Variants in GAS6 observed in about 807,000 individuals in gnomAD.
GAS6 encodes the protein growth arrest specific 6.
Under a neutral mutation model 75.8 loss-of-function variants are expected in GAS6, and 41 were observed. The ratio of observed to expected loss-of-function variants is 0.54; its 90% confidence interval spans 0.42 to 0.70. GAS6 has a LOEUF of 0.70. Among genes scored for constraint, GAS6 ranks in the 30% least tolerant of loss-of-function variants. The probability of loss-of-function intolerance (pLI) is 0.00; values close to 1 mark genes in which losing one functional copy is unlikely to be tolerated. For synonymous variants in GAS6, 432 were observed against 412.6 expected, an observed-to-expected ratio of 1.05 and a Z score of -0.57; for missense variants, 854 against 940.2, an observed-to-expected ratio of 0.91 and a Z score of 1.20.
intron 2 of GAS6, among the ~76,000 whole-genome samples, chr13:113,853,095 T>C (rs967757740): frequency 6.6e-6 from 1 of 152,180 alleles, no homozygotes; most frequent in African/African-American, 2.4e-5. Context: ...GGAGGGCCCA[T>C]TCACTTTTTA....
intron 4 of GAS6, chr13:113,843,200 A>C (rs1299648033): frequency 4.6e-5 from 10 of 218,656 alleles, no homozygotes; most frequent in Non-Finnish European, 7.9e-5. Context: ...CCTGATCCCC[A>C]TCCCGCAAGC....
intron 10 of GAS6, among the ~76,000 whole-genome samples, chr13:113,831,627 A>T (rs2051631532): frequency 6.6e-6 from 1 of 152,040 alleles, no homozygotes. Context: ...AGGGAGACCA[A>T]ACTGACAGGT....
chr13:113,841,149 T>A (rs1370351280), intron 4 of GAS6: 3 of 152,228 alleles, frequency 2.0e-5, no homozygotes, highest in Non-Finnish European at 4.4e-5. Flanking sequence ...AGGAGCCGCT[T>A]CCATCCCCAC....
At chr13:113,856,261 C>CA (rs1451598929) in intron 2 of GAS6, among the ~76,000 whole-genome samples, 2 of 152,228 alleles carry the variant, frequency 1.3e-5, no homozygotes, top group Non-Finnish European at 2.9e-5. Context: ...CGCCTGCACA[C>CA]AGAGGAGCAC....
chr13:113,856,454 G>A (rs928135819), intron 2 of GAS6, among the ~76,000 whole-genome samples: 3 of 152,128 alleles, frequency 2.0e-5, no homozygotes, highest in Non-Finnish European at 4.4e-5. Context: ...TTGTCATGAG[G>A]ATGTAACAAC....
intron 2 of GAS6, among the ~76,000 whole-genome samples, chr13:113,856,115 G>A (rs1295784595): frequency 6.6e-6 from 1 of 152,152 alleles, no homozygotes; most frequent in East Asian, 1.9e-4. Context: ...CCAGCATGAC[G>A]CACCTGGCAG....
chr13:113,855,399 G>C (rs1328179194), intron 2 of GAS6, among the ~76,000 whole-genome samples: 1 of 152,194 alleles, frequency 6.6e-6, no homozygotes, highest in Non-Finnish European at 1.5e-5. Context: ...CCTGGGTCTT[G>C]CCAGCCACCA....
At chr13:113,856,609 TCTG>T (rs775000368) in intron 2 of GAS6, among the ~76,000 whole-genome samples, 4 of 152,214 alleles carry the variant, frequency 2.6e-5, no homozygotes, top group African/African-American at 4.8e-5. Context: ...AGTTTCATCA[TCTG>T]CTGCTGCTAT....
At chr13:113,855,416 A>G (rs1455374273) in intron 2 of GAS6, among the ~76,000 whole-genome samples, 1 of 152,238 alleles carries the variant, frequency 6.6e-6, no homozygotes, top group East Asian at 1.9e-4. Flanking sequence ...ACCACGTTCT[A>G]TGATCCCAGG....
rs2051439959 is a variant in GAS6, at chr13:113,820,561, CT to C, written c.*302del. ...CGGCCACGCGGTGTTACAAAGCTTTCTGTAAATATTTTATTTTCCATATTTT... is the reference window on the plus strand; with the variant it reads ...CGGCCACGCGGTGTTACAAAGCTTTCGTAAATATTTTATTTTCCATATTTT... On this transcript the variant is annotated 3_prime_UTR_variant, in exon 15 of 15. Coordinates refer to ENST00000327773, the MANE Select transcript of GAS6 (RefSeq NM_000820.4). The C allele has an allele frequency of 2.6e-6, 1 of 385,438 alleles. No homozygotes were observed. Among genetic ancestry groups the C allele is most frequent in the Non-Finnish European group, 4.7e-6 (1 of 212,932 alleles). 23.9% of individuals were successfully genotyped at this position (385,438 alleles called of 1,614,324 possible). A position where few individuals can be genotyped will look rare whatever the true frequency, so the allele number is the denominator to read the frequency against.
intron 14 of GAS6, 59 bp from the exon 15 acceptor site, chr13:113,821,077 C>T: frequency 3.2e-6 from 5 of 1,565,240 alleles, no homozygotes; most frequent in African/African-American, 1.3e-5. Context: ...CCCCGCCTGG[C>T]CCCCCCACCC....
rs2051849538 is a variant in GAS6 at position 113,848,306 on chromosome 13, C to T, written c.256-256G>A. On this transcript the variant is annotated intron_variant, in intron 2 of 14. Coordinates refer to ENST00000327773, the MANE Select transcript of GAS6 (RefSeq NM_000820.4). This position sits in a 1 kb window ranked among gnomAD's most constrained non-coding sequence, Gnocchi z 4.8. Reference sequence around the variant, plus strand: ...AGGCCTGCCCAGGAGGACAAGAATGCTTCCAAGTAAAACCCCACTCTTAGT... The same window carrying T: ...AGGCCTGCCCAGGAGGACAAGAATGTTTCCAAGTAAAACCCCACTCTTAGT... 6.6e-6 allele frequency among the ~76,000 whole-genome samples: 1 copy of T among 152,144 alleles called. No individual in the cohort carries two copies. Among genetic ancestry groups the T allele is most frequent in the South Asian group, 2.1e-4 (1 of 4,824 alleles).
intron 6 of GAS6, chr13:113,835,918 G>A: frequency 7.9e-7 from 1 of 1,271,168 alleles, no homozygotes; most frequent in Non-Finnish European, 9.9e-7. Flanking sequence ...GGGGGCGGCG[G>A]TGCACGCTGT....
At chr13:113,860,732 G>A (rs2051964577) in intron 2 of GAS6, among the ~76,000 whole-genome samples, 1 of 152,198 alleles carries the variant, frequency 6.6e-6, no homozygotes, top group East Asian at 1.9e-4. Context: ...GGGTGGCCCA[G>A]CCTGGAGGAA....
At position 113,824,164 on chromosome 13, in the gene GAS6, G is replaced by A. The variant is rs1594187908; in HGVS notation, c.1478-614C>T. ...GGTCTGAGCTGTCGGGAGCACGCGTGGTCTGGGGTCTGAGCTGTCAGGAGC... is the reference window on the plus strand; with the variant it reads ...GGTCTGAGCTGTCGGGAGCACGCGTAGTCTGGGGTCTGAGCTGTCAGGAGC... On this transcript the variant is annotated intron_variant, in intron 12 of 14. Coordinates refer to ENST00000327773, the MANE Select transcript of GAS6 (RefSeq NM_000820.4). Among the ~76,000 whole-genome samples the A allele has an allele frequency of 1.5e-5, 2 of 135,150 alleles. 1 individual carries two copies. The highest frequency in any genetic ancestry group is 3.2e-5 in the Non-Finnish European group (2 of 63,126). The allele number at this position is 135,150 out of a possible 152,430, so 88.7% of individuals were successfully genotyped here.
chr13:113,826,865 A>T (rs9577872), intron 12 of GAS6, 131 bp downstream of exon 12: 40,519 of 125,372 alleles, frequency 0.32, 5,080 homozygotes, highest in Non-Finnish European at 0.35. Context: ...CCGCCCACCC[A>T]TCCCTGCCCC....
Position 113,837,397 on chromosome 13 carries a change from T to G in GAS6, c.589+672A>C, listed in dbSNP as rs1250893939. Among the ~76,000 whole-genome samples, 3 of 151,960 alleles carry G rather than the reference T, an allele frequency of 2.0e-5. No individual in the cohort carries two copies. Among genetic ancestry groups the G allele is most frequent in the Non-Finnish European group, 4.4e-5 (3 of 67,966 alleles). ...TGTCCTGGACAGTCAGCAGCAGCGC[T>G]AAGAACTATGCCAGAAACTCTCAGG... On this transcript the variant is annotated intron_variant, in intron 6 of 14. Coordinates refer to ENST00000327773, the MANE Select transcript of GAS6 (RefSeq NM_000820.4). This position sits in a 1 kb window ranked among gnomAD's most constrained non-coding sequence, Gnocchi z 5.1.
At chr13:113,852,853 A>G (rs1324132968) in intron 2 of GAS6, among the ~76,000 whole-genome samples, 1 of 152,140 alleles carries the variant, frequency 6.6e-6, no homozygotes, top group Non-Finnish European at 1.5e-5. Flanking sequence ...TCACGCCCCA[A>G]CCCCCAAATG....
At chr13:113,825,126 G>C (rs1417905378) in intron 12 of GAS6, among the ~76,000 whole-genome samples, 1 of 150,704 alleles carries the variant, frequency 6.6e-6, no homozygotes, top group African/African-American at 2.4e-5. Context: ...GCTGAGGCAG[G>C]AGAATCGCTT....
Sources: allele counts gnomAD v4.1 joint callset (sites outside exome capture counted in the v4.1 genomes callset), GRCh38; gene constraint gnomAD v4.1.1; non-coding constraint Gnocchi (gnomAD v3.1); transcripts MANE v1.5; gene names NCBI Gene and HGNC (gene_info 2026-07-23, HGNC 2026-07-21).